NELL1: variants seen among roughly 807,000 people sequenced by gnomAD.
NELL1 encodes protein kinase C-binding protein NELL1.
A neutral mutation model predicts 107.4 loss-of-function variants in NELL1; 76 were observed. That is an observed-to-expected ratio of 0.71 (90% CI 0.59 to 0.86). NELL1 has a LOEUF of 0.86. NELL1 is among the 40% of genes least tolerant of loss of function. The probability of loss-of-function intolerance (pLI) is 0.00; values close to 1 mark genes in which losing one functional copy is unlikely to be tolerated. For synonymous variants in NELL1, 353 were observed against 341.2 expected, an observed-to-expected ratio of 1.03 and a Z score of -0.38; for missense variants, 1,024 against 1,005.5, an observed-to-expected ratio of 1.02 and a Z score of -0.25.
chr11:21,114,112 T>C (rs1855174232), intron 13 of NELL1, among the ~76,000 whole-genome samples: 1 of 152,064 alleles, frequency 6.6e-6, no homozygotes. Context: ...GGATTAAATT[T>C]AAAGAGGTGA....
chr11:21,366,076 G>A (rs560128148), intron 14 of NELL1, among the ~76,000 whole-genome samples: 4 of 152,142 alleles, frequency 2.6e-5, no homozygotes, highest in South Asian at 2.1e-4. Context: ...TTTGAGGGGC[G>A]TTTGATAAAT....
At chr11:21,007,376 TACACACACACAGACACACACACACAC>T (rs1401388087) in intron 12 of NELL1, among the ~76,000 whole-genome samples, 1 of 144,928 alleles carries the variant, frequency 6.9e-6, no homozygotes, top group Admixed American at 6.9e-5. Context: ...TATGTGTATG[TACACACACACAGACACACACACACAC>T]ACACACACAC....
At chr11:21,018,235 A>T (rs1012713802) in intron 12 of NELL1, among the ~76,000 whole-genome samples, 1 of 152,100 alleles carries the variant, frequency 6.6e-6, no homozygotes, top group Non-Finnish European at 1.5e-5. Flanking sequence ...GGAAACTAGG[A>T]TAGAATAGGT....
intron 3 of NELL1, among the ~76,000 whole-genome samples, chr11:20,807,523 C>G (rs1253297930): frequency 6.6e-6 from 1 of 152,168 alleles, no homozygotes; most frequent in African/African-American, 2.4e-5. Flanking sequence ...GGGTCTTGCC[C>G]AAGGCCTACT....
chr11:20,792,133 T>C (rs938932571), intron 3 of NELL1, among the ~76,000 whole-genome samples: 2 of 152,128 alleles, frequency 1.3e-5, no homozygotes, highest in African/African-American at 2.4e-5. Flanking sequence ...TAGCTGATTT[T>C]TAAGCTATAT....
intron 5 of NELL1, among the ~76,000 whole-genome samples, chr11:20,898,955 C>T (rs541114542): frequency 7.7e-4 from 117 of 152,022 alleles, no homozygotes; most frequent in Non-Finnish European, 1.3e-3. Flanking sequence ...GTGTAACTAT[C>T]TGTATATATG....
intron 13 of NELL1, among the ~76,000 whole-genome samples, chr11:21,135,490 C>A (rs774270641): frequency 6.6e-6 from 1 of 152,060 alleles, no homozygotes; most frequent in Non-Finnish European, 1.5e-5. Flanking sequence ...GCACTTGAGC[C>A]CAACTTTGGA....
At position 21,446,333 on chromosome 11, in the gene NELL1, T is replaced by C. The variant is rs566944829; in HGVS notation, c.1645+75385T>C. ...TCACATATCTCTGTCTCTCTGGGAT[T>C]TTTCCCTGGTGCCTTATTCAGTTCT... On this transcript the variant is annotated intron_variant, in intron 15 of 19. Transcript: ENST00000357134. Among the ~76,000 whole-genome samples the C allele has an allele frequency of 7.2e-5, 11 of 152,278 alleles. No individual in the cohort carries two copies. The South Asian group carries it at 1.7e-3, about 23-fold the overall frequency.
chr11:21,466,600 T>C (rs556004882), intron 15 of NELL1, among the ~76,000 whole-genome samples: 2 of 152,292 alleles, frequency 1.3e-5, no homozygotes, highest in Middle Eastern at 3.4e-3. Flanking sequence ...CAAAAGCTTT[T>C]ATTTTTCCAG....
At chr11:21,489,819 C>A (rs907758676) in intron 15 of NELL1, among the ~76,000 whole-genome samples, 1 of 151,986 alleles carries the variant, frequency 6.6e-6, no homozygotes, top group Admixed American at 6.6e-5. Flanking sequence ...CCATATATGA[C>A]AAACCCACAG....
chr11:21,543,793 G>C (rs1373770225), intron 16 of NELL1, among the ~76,000 whole-genome samples: 1 of 151,984 alleles, frequency 6.6e-6, no homozygotes, highest in South Asian at 2.1e-4. Flanking sequence ...ACTTCACAAA[G>C]TAACATCAAA....
At chr11:21,113,765 C>G in intron 13 of NELL1, 51 bp downstream of exon 13, 2 of 1,585,244 alleles carry the variant, frequency 1.3e-6, no homozygotes, top group South Asian at 1.1e-5. Flanking sequence ...TTCTCTGCAC[C>G]ATGTCTGTGT....
At chr11:20,702,832 A>G in intron 2 of NELL1, among the ~76,000 whole-genome samples, 1 of 152,158 alleles carries the variant, frequency 6.6e-6, no homozygotes. Context: ...TGTATGTTGA[A>G]GCAGCCATGC....
chr11:21,092,266 A>G (rs2133690635), intron 12 of NELL1, among the ~76,000 whole-genome samples: 1 of 152,276 alleles, frequency 6.6e-6, no homozygotes, highest in Non-Finnish European at 1.5e-5. Context: ...CAGTGTCTAT[A>G]GGGACAATAG....
chr11:21,276,174 C>T (rs1412585943), intron 14 of NELL1, among the ~76,000 whole-genome samples: 1 of 152,190 alleles, frequency 6.6e-6, no homozygotes, highest in Non-Finnish European at 1.5e-5. Context: ...CCCAAAATCT[C>T]CTTAAGCTGA....
intron 13 of NELL1, among the ~76,000 whole-genome samples, chr11:21,187,020 T>C (rs2133830849): frequency 6.6e-6 from 1 of 152,010 alleles, no homozygotes; most frequent in South Asian, 2.1e-4. Flanking sequence ...ATAATAATAT[T>C]CCGCTTGACA....
At chr11:21,524,415 T>C (rs181835858) in intron 15 of NELL1, among the ~76,000 whole-genome samples, 2 of 152,218 alleles carry the variant, frequency 1.3e-5, no homozygotes, top group Admixed American at 6.5e-5. Context: ...TATTCTAAAA[T>C]AGAATGTATG....
chr11:20,775,444 T>G (rs1291881988), intron 2 of NELL1, among the ~76,000 whole-genome samples: 1 of 151,128 alleles, frequency 6.6e-6, no homozygotes, highest in Non-Finnish European at 1.5e-5. Flanking sequence ...CTTGACTATA[T>G]AATGCACTCT....
intron 12 of NELL1, among the ~76,000 whole-genome samples, chr11:20,964,497 C>T (rs991659834): frequency 2.6e-5 from 4 of 152,080 alleles, no homozygotes; most frequent in Non-Finnish European, 5.9e-5. Flanking sequence ...ACTTTTTGAA[C>T]GTTACAATGA....
Sources: gnomAD v4.1 joint callset for allele counts (sites outside exome capture counted in the v4.1 genomes callset) on GRCh38, gnomAD v4.1.1 for gene constraint, MANE v1.5 for transcripts, NCBI Gene and HGNC (gene_info 2026-07-23, HGNC 2026-07-21) for gene names.